The following GRIPAP1 variants were observed in gnomAD, a reference collection of about 807,000 sequenced individuals.
GRIPAP1 encodes the protein GRIP1-associated protein 1.
Under a neutral mutation model 84.1 loss-of-function variants are expected in GRIPAP1, and 14 were observed. That is an observed-to-expected ratio of 0.17 (90% CI 0.11 to 0.26). The LOEUF (loss-of-function observed/expected upper bound fraction) is 0.26, where lower values mean the gene tolerates loss of function less well. GRIPAP1 is among the 10% of genes least tolerant of loss of function. The pLI, the probability that GRIPAP1 is intolerant of heterozygous loss-of-function variation, is 1.00. For synonymous variants in GRIPAP1, 261 were observed against 256.8 expected (o/e 1.02, Z -0.15); for missense variants, 518 against 674.2 (o/e 0.77, Z 2.57).
At chrX:48,989,572 G>A in intron 11 of GRIPAP1, 39 bp downstream of exon 11, 1 of 903,855 alleles carries the variant, frequency 1.1e-6, no homozygotes, top group Non-Finnish European at 1.6e-6. Context: ...CCCAGTCCTG[G>A]CCCCTACCCC....
chrX:48,990,799 C>G, intron 7 of GRIPAP1, 67 bp from the exon 8 acceptor site: 1 of 1,065,463 alleles, frequency 9.4e-7, no homozygotes, highest in Non-Finnish European at 1.3e-6. Flanking sequence ...TTCCCCTGCC[C>G]TCCTGCCTCC....
In GRIPAP1 at chrX:48,976,276, C is replaced by T; in HGVS notation, c.2149G>A (p.Glu717Lys). The T allele has an allele frequency of 8.5e-7, 1 of 1,175,093 alleles. No homozygotes were observed. Among genetic ancestry groups the T allele is most frequent in the Non-Finnish European group, 1.1e-6 (1 of 877,000 alleles). ...EVAELFQRLA[E>K]TQQEKWMLEE... ...AGCATCCATTTCTCCTGCTGTGTCT[C>T]TGCCAGCCGCTGAAAGAGCTCAGCC... is the stretch of plus-strand genomic sequence containing the variant. The change falls in exon 23 of 26, where the codon GAG becomes AAG. Residue 717 changes from glutamate (E) to lysine (K), a missense_variant. By Grantham distance (56) the Glu-to-Lys change is moderately conservative. Coordinates refer to ENST00000376423, the MANE Select transcript of GRIPAP1 (RefSeq NM_020137.5).
intron 5 of GRIPAP1, among the ~76,000 whole-genome samples, chrX:48,995,023 A>C (rs1228642898): frequency 8.9e-6 from 1 of 112,255 alleles, no homozygotes; most frequent in Non-Finnish European, 1.9e-5. Flanking sequence ...CCAAGAGTGG[A>C]GATCATTCTG....
At chrX:48,984,954 G>A (rs1557063345) in intron 14 of GRIPAP1, among the ~76,000 whole-genome samples, 2 of 110,123 alleles carry the variant, frequency 1.8e-5, no homozygotes, top group Admixed American at 9.7e-5. Flanking sequence ...CACGGGAGGC[G>A]GAGCTTGCAG....
chrX:48,998,917 G>C, intron 3 of GRIPAP1: 1 of 272,404 alleles, frequency 3.7e-6, no homozygotes. Flanking sequence ...CAAGGCAGGA[G>C]TGTGAGTAGA....
chrX:48,980,749 G>A (rs1402019770), intron 21 of GRIPAP1: 1 of 123,297 alleles, frequency 8.1e-6, no homozygotes, highest in Non-Finnish European at 1.6e-5. Flanking sequence ...TGGGCGTGGT[G>A]GTGCATGCCT....
intron 14 of GRIPAP1, among the ~76,000 whole-genome samples, chrX:48,984,838 C>T (rs1004389854): frequency 2.9e-5 from 3 of 104,158 alleles, no homozygotes; most frequent in African/African-American, 7.1e-5. Flanking sequence ...CTGGTTAACA[C>T]GGTGAAACCC....
chrX:48,987,331 TAG>T (rs1445066920), intron 13 of GRIPAP1, among the ~76,000 whole-genome samples: 3 of 105,160 alleles, frequency 2.9e-5, no homozygotes, highest in Non-Finnish European at 3.9e-5. Context: ...TGTATTTTAG[TAG>T]AGATGGGGTT....
chrX:48,981,275 G>A lies in GRIPAP1; in HGVS notation c.1870C>T (p.Arg624Trp), dbSNP rs368055066. The A allele has an allele frequency of 6.6e-6, 8 of 1,209,449 alleles. No individual in the cohort carries two copies. Among genetic ancestry groups the A allele is most frequent in the Non-Finnish European group, 7.8e-6 (7 of 894,627 alleles). The change falls in exon 21 of 26, where the codon CGG (arginine) becomes TGG (tryptophan). Residue 624 changes from arginine to tryptophan, a missense_variant. Physicochemically the swap from Arg to Trp is moderately radical, Grantham distance 101. Coordinates refer to ENST00000376423, the MANE Select transcript of GRIPAP1 (RefSeq NM_020137.5). ...LKRQLHLERK[R>W]ADKLQERLQD... ...AGTCGCTCCTGCAGCTTATCTGCCC[G>A]TTTCCGCTCCAAATGCAGCTGCCGC...
chrX:48,999,560 C>A, intron 1 of GRIPAP1, 56 bp from the exon 2 acceptor site: 1 of 878,681 alleles, frequency 1.1e-6, no homozygotes, highest in Non-Finnish European at 1.7e-6. Context: ...CCTACCCCTA[C>A]CATGAGGGAA....
At chrX:48,987,699 G>GA in intron 13 of GRIPAP1, 86 bp downstream of exon 13, 1 of 602,968 alleles carries the variant, frequency 1.7e-6, no homozygotes, top group Non-Finnish European at 2.8e-6. Context: ...ATGGGGTCCA[G>GA]ACCACCCTAC....
intron 4 of GRIPAP1, 149 bp from the exon 5 acceptor site, chrX:48,997,506 G>A (rs1414723022): frequency 7.8e-5 from 35 of 448,930 alleles, no homozygotes; most frequent in Non-Finnish European, 1.3e-4. Flanking sequence ...GAGACATGGG[G>A]AGGGATAAAA....
intron 5 of GRIPAP1, 38 bp downstream of exon 5, chrX:48,997,212 C>G (rs782250942): frequency 1.3e-6 from 1 of 743,707 alleles, no homozygotes; most frequent in South Asian, 2.3e-5. Flanking sequence ...ATGACCCCTA[C>G]CCCTCATTTC....
chrX:48,975,766 G>T, intron 24 of GRIPAP1: 2 of 395,923 alleles, frequency 5.1e-6, no homozygotes, highest in South Asian at 8.8e-5. Flanking sequence ...TGAGGCACAG[G>T]GAGAGGAAAG....
At chrX:48,985,069 A>G (rs2064479996) in intron 14 of GRIPAP1, among the ~76,000 whole-genome samples, 199 bp downstream of exon 14, 1 of 111,655 alleles carries the variant, frequency 9.0e-6, no homozygotes, top group South Asian at 3.7e-4. Context: ...AAAAGAATTG[A>G]TATCCTAACT....
chrX:48,992,133 G>A (rs1191807860), intron 6 of GRIPAP1, among the ~76,000 whole-genome samples: 1 of 111,183 alleles, frequency 9.0e-6, no homozygotes, highest in Non-Finnish European at 1.9e-5. Context: ...AGCCTCCCAA[G>A]TAGCTGGAAT....
chrX:49,001,519 C>T (rs1557068588), intron 1 of GRIPAP1, among the ~76,000 whole-genome samples: 1 of 110,627 alleles, frequency 9.0e-6, no homozygotes, highest in Admixed American at 9.6e-5. Flanking sequence ...ATCTTTTACC[C>T]CTCTGGTCCT....
Position 48,990,708 on chromosome X carries a change from T to C in GRIPAP1, c.667A>G (p.Arg223Gly). ...LESSKQAETSRLQEELAKLSE... is the reference protein window; with the variant it reads ...LESSKQAETSGLQEELAKLSE... ...ACCTTAGCAAGTTCCTCCTGCAGCC[T>C]GGATGTTTCGGCCTGCTTTGAGCTC... Residue 223 changes from arginine (R) to glycine (G), a missense_variant, in exon 8 of 26, where the codon AGG becomes GGG. Arg to Gly is a moderately radical substitution (Grantham distance 125, BLOSUM62 -2). Around this residue, in one of 5 missense-constraint regions of GRIPAP1, gnomAD observed 372 missense variants for 458.1 expected, o/e 0.81. Coordinates refer to ENST00000376423, the MANE Select transcript of GRIPAP1 (RefSeq NM_020137.5). 8.3e-7 allele frequency: 1 copy of C among 1,203,100 alleles called. No homozygotes were observed. The highest frequency in any genetic ancestry group is 1.1e-6 in the Non-Finnish European group (1 of 890,259).
Position 48,999,264 on chromosome X carries a change from C to T in GRIPAP1, c.145G>A (p.Asp49Asn). The T allele has an allele frequency of 8.3e-7, 1 of 1,208,841 alleles. No individual in the cohort carries two copies. The highest frequency in any genetic ancestry group is 1.1e-6 in the Non-Finnish European group (1 of 893,144). The change falls in exon 3 of 26, where the codon GAT becomes AAT. Residue 49 changes from aspartate to asparagine, a missense_variant. Physicochemically the swap from Asp to Asn is conservative, Grantham distance 23. Coordinates refer to ENST00000376423, the MANE Select transcript of GRIPAP1 (RefSeq NM_020137.5). Reference protein sequence around the residue: ...TSLRQKVAYLDKEFSKAQKAL... With the variant: ...TSLRQKVAYLNKEFSKAQKAL... ...TTCTGAGCTTTGCTGAACTCCTTAT[C>T]CAAGTAGGCGACCTTCTGTCGAAGA...
Sources: allele counts gnomAD v4.1 joint callset (sites outside exome capture counted in the v4.1 genomes callset), GRCh38; gene constraint gnomAD v4.1.1; regional missense constraint gnomAD v4.1.1; transcripts MANE v1.5; gene names NCBI Gene and HGNC (gene_info 2026-07-23, HGNC 2026-07-21).